OXR1: variants seen among roughly 807,000 people sequenced by gnomAD.
OXR1 encodes oxidation resistance 1, also known as oxidation resistance protein 1.
Under a neutral mutation model 104.6 loss-of-function variants are expected in OXR1, and 41 were observed. That is an observed-to-expected ratio of 0.39 (90% CI 0.31 to 0.51). OXR1 has a LOEUF of 0.51. Among genes scored for constraint, OXR1 ranks in the 20% least tolerant of loss-of-function variants. The pLI, the probability that OXR1 is intolerant of heterozygous loss-of-function variation, is 0.77. For missense variants in OXR1, 955 were observed against 1,031.9 expected, an observed-to-expected ratio of 0.93 and a Z score of 1.02; for synonymous variants, 348 against 348.4, an observed-to-expected ratio of 1.00 and a Z score of 0.01.
At chr8:106,546,359 T>A (rs929921950) in intron 3 of OXR1, among the ~76,000 whole-genome samples, 1 of 152,168 alleles carries the variant, frequency 6.6e-6, no homozygotes, top group African/African-American at 2.4e-5. Context: ...TCTAACACAG[T>A]GGACTTGTTA....
chr8:106,383,272 T>C (rs957561353), intron 2 of OXR1, among the ~76,000 whole-genome samples: 3 of 152,200 alleles, frequency 2.0e-5, no homozygotes, highest in Non-Finnish European at 2.9e-5. Flanking sequence ...TATTTCTCTA[T>C]GTAAAGTTTC....
chr8:106,347,102 G>A (rs1181643254), intron 1 of OXR1, among the ~76,000 whole-genome samples: 17 of 152,214 alleles, frequency 1.1e-4, no homozygotes, highest in Non-Finnish European at 5.9e-5. Context: ...AAGCATGTCC[G>A]TGTCTGTGGA....
intron 12 of OXR1, among the ~76,000 whole-genome samples, 197 bp from the exon 13 acceptor site, chr8:106,739,261 A>G (rs1259079481): frequency 2.6e-5 from 4 of 152,152 alleles, no homozygotes; most frequent in African/African-American, 4.8e-5. Flanking sequence ...GTCTGCTTAT[A>G]TTGTTATAAA....
Position 106,542,198 on chromosome 8 carries a change from T to G in OXR1, c.220+23059T>G, listed in dbSNP as rs533894626. On this transcript the variant is annotated intron_variant, in intron 3 of 16. Transcript: ENST00000517566. ...CCCAAGACCTTTAGAGATAATTTTTTAGATGTAGGCAAAGTGTTCAGCAGC... is the reference window on the plus strand; with the variant it reads ...CCCAAGACCTTTAGAGATAATTTTTGAGATGTAGGCAAAGTGTTCAGCAGC... Among the ~76,000 whole-genome samples, 8 of 152,304 alleles carry G rather than the reference T, an allele frequency of 5.3e-5. No individual in the cohort carries two copies. The East Asian group carries it at 1.2e-3, about 22-fold the overall frequency.
At chr8:106,447,776 T>G in intron 2 of OXR1, 1 of 660,926 alleles carries the variant, frequency 1.5e-6, no homozygotes, top group Non-Finnish European at 2.3e-6. Flanking sequence ...TTTAATAACC[T>G]CCTTCGTTGT....
Position 106,302,382 on chromosome 8 carries a change from A to C in OXR1, c.-139+32015A>C, listed in dbSNP as rs202180733. ...TGGATCACGAGGTCAGGAGATCGAGATCATCCTGGCTAACACGGTGAAACC... is the reference window on the plus strand; with the variant it reads ...TGGATCACGAGGTCAGGAGATCGAGCTCATCCTGGCTAACACGGTGAAACC... On this transcript the variant is annotated intron_variant, in intron 1 of 16. Transcript: ENST00000517566. Among the ~76,000 whole-genome samples the C allele has an allele frequency of 1.4e-4, 22 of 152,212 alleles. No homozygotes were observed. The East Asian group carries it at 4.1e-3, about 28-fold the overall frequency.
chr8:106,596,074 G>A (rs972595349), intron 3 of OXR1, among the ~76,000 whole-genome samples: 3 of 151,296 alleles, frequency 2.0e-5, no homozygotes, highest in East Asian at 1.9e-4. Context: ...TATTCATTCC[G>A]TTTGTTCAAT....
chr8:106,405,060 A>T (rs1818161652), intron 2 of OXR1, among the ~76,000 whole-genome samples: 2 of 151,380 alleles, frequency 1.3e-5, no homozygotes, highest in South Asian at 4.2e-4. Context: ...AACATGTAGT[A>T]TCAGTGCTTT....
At chr8:106,489,817 G>A (rs1203148753) in intron 2 of OXR1, among the ~76,000 whole-genome samples, 1 of 152,086 alleles carries the variant, frequency 6.6e-6, no homozygotes. Flanking sequence ...TTTATGTGCT[G>A]TGATTTTGGG....
At chr8:106,281,799 CAAAAA>C (rs59515650) in intron 1 of OXR1, among the ~76,000 whole-genome samples, 68 of 62,940 alleles carry the variant, frequency 1.1e-3, no homozygotes, top group Middle Eastern at 0.011. Context: ...GACTCTATCT[CAAAAA>C]AAAAAAAAAA....
intron 3 of OXR1, among the ~76,000 whole-genome samples, chr8:106,655,863 C>T (rs1015539135): frequency 2.6e-5 from 4 of 151,912 alleles, no homozygotes; most frequent in Admixed American, 2.6e-4. Flanking sequence ...GAAATAGAAG[C>T]AGAAAAAAAA....
At chr8:106,421,810 T>C (rs898834080) in intron 2 of OXR1, among the ~76,000 whole-genome samples, 24 of 63,458 alleles carry the variant, frequency 3.8e-4, no homozygotes, top group African/African-American at 2.4e-3. Flanking sequence ...AGGCCATGAA[T>C]TGTAGTCATT....
At chr8:106,340,069 T>C (rs2062828) in intron 1 of OXR1, among the ~76,000 whole-genome samples, 25,648 of 152,078 alleles carry the variant, frequency 0.17, 2,703 homozygotes, top group African/African-American at 0.29. Context: ...GCTTCCAGCC[T>C]AAAGCTCTTC....
chr8:106,518,832 G>A (rs749482672), intron 2 of OXR1, 111 bp from the exon 3 acceptor site: 16 of 661,404 alleles, frequency 2.4e-5, no homozygotes, highest in Non-Finnish European at 3.5e-5. Context: ...GAATAGATGT[G>A]GTTCTATCTC....
At chr8:106,411,924 A>T (rs1432088580) in intron 2 of OXR1, among the ~76,000 whole-genome samples, 1 of 152,304 alleles carries the variant, frequency 6.6e-6, no homozygotes, top group South Asian at 2.1e-4. Context: ...CAAAGTGCTC[A>T]GGATCCAGTC....
At chr8:106,471,167 G>A (rs2130679317) in intron 2 of OXR1, among the ~76,000 whole-genome samples, 2 of 151,662 alleles carry the variant, frequency 1.3e-5, no homozygotes, top group East Asian at 3.9e-4. Context: ...GATATTAACA[G>A]TTTAGTAGAA....
intron 2 of OXR1, among the ~76,000 whole-genome samples, chr8:106,515,862 C>A (rs1812823572): frequency 1.3e-5 from 2 of 152,106 alleles, no homozygotes. Flanking sequence ...TTTTTGGTTA[C>A]TACTCCTTGA....
At chr8:106,569,556 C>G (rs1332826177) in intron 3 of OXR1, among the ~76,000 whole-genome samples, 14 of 152,188 alleles carry the variant, frequency 9.2e-5, no homozygotes, top group Admixed American at 9.2e-4. Flanking sequence ...TTTCCAAACC[C>G]TTTTCCAGAT....
At chr8:106,610,140 T>C (rs1820708049) in intron 3 of OXR1, among the ~76,000 whole-genome samples, 1 of 151,884 alleles carries the variant, frequency 6.6e-6, no homozygotes, top group South Asian at 2.1e-4. Flanking sequence ...TTTAAGCCAG[T>C]TGCCTTCAGT....
Sources: allele counts gnomAD v4.1 joint callset (sites outside exome capture counted in the v4.1 genomes callset), GRCh38; gene constraint gnomAD v4.1.1; transcripts MANE v1.5; gene names NCBI Gene and HGNC (gene_info 2026-07-23, HGNC 2026-07-21).